SLC4A3: variants seen among roughly 807,000 people sequenced by gnomAD.
SLC4A3 encodes anion exchange protein 3.
SLC4A3 carries 47 observed loss-of-function variants against 114.2 expected under a neutral mutation model. The observed-to-expected ratio is 0.41, with a 90% CI of 0.33 to 0.52. The LOEUF is 0.52. Ranked by LOEUF, SLC4A3 falls within the 20% of genes least tolerant of loss-of-function variation. SLC4A3 has a pLI of 0.21. For missense variants in SLC4A3, 1,312 were observed against 1,668.3 expected, an observed-to-expected ratio of 0.79 and a Z score of 3.72; for synonymous variants, 693 against 710.3, an observed-to-expected ratio of 0.98 and a Z score of 0.39.
rs780617270 is a variant in SLC4A3 at position 219,630,160 on chromosome 2, A to G, written c.619A>G (p.Ser207Gly). The G allele has an allele frequency of 2.5e-6, 4 of 1,607,876 alleles. No individual in the cohort carries two copies. Among genetic ancestry groups the G allele is most frequent in the Non-Finnish European group, 8.5e-7 (1 of 1,175,264 alleles). ...KSPQHSSSSP[S>G]PRARASRLAG... is the part of the protein sequence containing the mutation. ...GCTGTGTTGCCTCCCCAGCTCCCCCAGCCCCCGGGCCCGGGCCTCCCGACT... is the reference window on the plus strand; with the variant it reads ...GCTGTGTTGCCTCCCCAGCTCCCCCGGCCCCCGGGCCCGGGCCTCCCGACT... The change falls in exon 6 of 23, where the codon AGC becomes GGC. Residue 207 changes from serine (S) to glycine (G), a missense_variant. Ser to Gly is a moderately conservative substitution (Grantham distance 56). Coordinates refer to ENST00000358055, the MANE Select transcript of SLC4A3 (RefSeq NM_005070.4). The surrounding 1 kb of genome is among the most constrained non-coding windows in gnomAD (Gnocchi z 6.9).
In SLC4A3 at chr2:219,632,306, G is replaced by A; in HGVS notation, c.1005G>A (p.Glu335=). 6.2e-7 allele frequency: 1 copy of A among 1,614,144 alleles called. No individual in the cohort carries two copies. Among genetic ancestry groups the A allele is most frequent in the Non-Finnish European group, 8.5e-7 (1 of 1,180,030 alleles). The change falls in exon 8 of 23, where the codon GAG becomes GAA. Residue 335 remains glutamate, a synonymous_variant. Transcript: ENST00000358055. ...LNELMLDRSQ[E]PHWRETARWI... ...AGCTGATGCTGGACCGCAGCCAGGA[G>A]CCCCACTGGCGGGAGACGGCCCGCT...
intron 20 of SLC4A3, among the ~76,000 whole-genome samples, chr2:219,640,130 C>T (rs748201671): frequency 3.9e-5 from 6 of 152,102 alleles, no homozygotes; most frequent in Non-Finnish European, 8.8e-5. Context: ...GGGGTTTCAC[C>T]GTGTTAGCCA....
Position 219,632,129 on chromosome 2 carries a change from A to G in SLC4A3, c.960+13A>G. ...GAGGCCTCATGAGGTCAGGATGCTG[A>G]CTGGGTGGGCCTGTGGCTTCCTCAT... On this transcript the variant is annotated intron_variant, in intron 7 of 22. Transcript: ENST00000358055. 6.2e-7 allele frequency: 1 copy of G among 1,612,224 alleles called. No individual in the cohort carries two copies. The highest frequency in any genetic ancestry group is 8.5e-7 in the Non-Finnish European group (1 of 1,179,426).
chr2:219,633,816 G>T (rs1574650847), intron 10 of SLC4A3, 64 bp from the exon 11 acceptor site: 1 of 1,548,052 alleles, frequency 6.5e-7, no homozygotes, highest in Non-Finnish European at 8.7e-7. Flanking sequence ...TGGAGCCAGG[G>T]CTGGGAGGGC....
chr2:219,631,192 G>A lies in SLC4A3; in HGVS notation c.812-776G>A, dbSNP rs902354231. The A allele has an allele frequency of 8.3e-6, 10 of 1,201,536 alleles. No homozygotes were observed. The highest frequency in any genetic ancestry group is 3.2e-5 in the African/African-American group (2 of 62,570). The allele number at this position is 1,201,536 out of a possible 1,614,324, so 74.4% of individuals were successfully genotyped here. On this transcript the variant is annotated intron_variant, in intron 6 of 22. Transcript: ENST00000358055. The surrounding 1 kb of genome is among the most constrained non-coding windows in gnomAD (Gnocchi z 6.3). ...CAGGCTCCCACCTTGTAGGAGAGCC[G>A]AGGGGTCTGGTAGGGAGCGGAGGCC...
Position 219,637,877 on chromosome 2 carries a change from G to C in SLC4A3, c.2766+66G>C. 1 of 1,310,058 alleles carries C rather than the reference G, an allele frequency of 7.6e-7. No homozygotes were observed. The highest frequency in any genetic ancestry group is 1.1e-6 in the Non-Finnish European group (1 of 908,538). 81.2% of individuals were successfully genotyped at this position (1,310,058 alleles called of 1,614,324 possible). On this transcript the variant is annotated intron_variant, in intron 17 of 22. Transcript: ENST00000358055. The surrounding 1 kb of genome is among the most constrained non-coding windows in gnomAD (Gnocchi z 4.6). ...ATTCCTGCTGTAGGAGCTCCCCAGA[G>C]AGGCTGCACCCCTTCCCCGGTCAGC... is the stretch of plus-strand genomic sequence containing the variant.
rs767502646 is a variant in SLC4A3 at position 219,635,809 on chromosome 2, G to A, written c.2109G>A (p.Ala703=). Residue 703 remains alanine (A), a synonymous_variant, in exon 14 of 23, where the codon GCG becomes GCA. Coordinates refer to ENST00000358055, the MANE Select transcript of SLC4A3 (RefSeq NM_005070.4). The part of the protein sequence containing the change: ...YPHYPSDLRD[A]LHSQCVAAVL... ...ACTACCCCAGTGACCTGCGAGATGC[G>A]CTGCACTCCCAGTGTGTGGCCGCTG... is the stretch of plus-strand genomic sequence containing the variant. 13 of 1,593,002 alleles carry A rather than the reference G, an allele frequency of 8.2e-6. No individual in the cohort carries two copies. The Admixed American group carries it at 2.2e-4, about 26-fold the overall frequency.
rs369902144 is a variant in SLC4A3, at chr2:219,641,629, C to T, written c.3622-22C>T. On this transcript the variant is annotated intron_variant, in intron 22 of 22. Transcript: ENST00000358055. The surrounding 1 kb of genome is among the most constrained non-coding windows in gnomAD (Gnocchi z 4.0). ...GACGAGCATGCTTCCCTGCCTTCCC[C>T]AACCTTCTGTTCCCTCTGCAGCTGG... The T allele has an allele frequency of 1.2e-4, 186 of 1,607,662 alleles. 3 individuals carry two copies. In the Middle Eastern group the frequency reaches 9.6e-3, roughly 83 times the overall value.
At chr2:219,635,201 C>T (rs569081098) in intron 12 of SLC4A3, 70 bp from the exon 13 acceptor site, 55 of 1,263,090 alleles carry the variant, frequency 4.4e-5, no homozygotes, top group East Asian at 7.0e-5. Flanking sequence ...ACCCAACACC[C>T]GCCTCAAGTC....
In SLC4A3 at chr2:219,641,545, G is replaced by A. The variant is rs149599808; in HGVS notation, c.3622-106G>A. 1,196 of 893,402 alleles carry A rather than the reference G, an allele frequency of 1.3e-3. 10 individuals carry two copies. In the African/African-American group the frequency reaches 0.017, roughly 13 times the overall value. 55.3% of individuals were successfully genotyped at this position (893,402 alleles called of 1,614,324 possible). A position where few individuals can be genotyped will look rare whatever the true frequency, so the allele number is the denominator to read the frequency against. ...GTCATGGTACTTGCAGAGAGGCCCA[G>A]GAAAGGTCAGGGAGCAGGGAGGGCT... On this transcript the variant is annotated intron_variant, in intron 22 of 22. Transcript: ENST00000358055. The surrounding 1 kb of genome is among the most constrained non-coding windows in gnomAD (Gnocchi z 4.0).
rs1574647320 is a variant in SLC4A3, at chr2:219,631,489, G to A, written c.812-479G>A. The stretch of plus-strand genomic sequence containing the variant: ...CGGGGCTGCTGGCCTTTCCCCGACT[G>A]CTGCTGGCCTGGGTGGGGCAGACAG... On this transcript the variant is annotated intron_variant, in intron 6 of 22. Coordinates refer to ENST00000358055, the MANE Select transcript of SLC4A3 (RefSeq NM_005070.4). This position sits in a 1 kb window ranked among gnomAD's most constrained non-coding sequence, Gnocchi z 6.3. The A allele has an allele frequency of 7.7e-7, 1 of 1,296,852 alleles. No homozygotes were observed. The allele number at this position is 1,296,852 out of a possible 1,614,324, so 80.3% of individuals were successfully genotyped here.
chr2:219,628,254 T>A lies in SLC4A3; in HGVS notation c.52-151T>A. ...GCTCTGGGAGCCCAGAGAGGGTGGTTTCTGGGATGCTGACACAGGCCTGGG... is the reference window on the plus strand; with the variant it reads ...GCTCTGGGAGCCCAGAGAGGGTGGTATCTGGGATGCTGACACAGGCCTGGG... On this transcript the variant is annotated intron_variant, in intron 2 of 22. Transcript: ENST00000358055. The surrounding 1 kb of genome is among the most constrained non-coding windows in gnomAD (Gnocchi z 4.8). The A allele has an allele frequency of 2.2e-6, 2 of 908,630 alleles. No individual in the cohort carries two copies. The highest frequency in any genetic ancestry group is 3.3e-6 in the Non-Finnish European group (2 of 610,754). 56.3% of individuals were successfully genotyped at this position (908,630 alleles called of 1,614,324 possible). A position where few individuals can be genotyped will look rare whatever the true frequency, so the allele number is the denominator to read the frequency against.
chr2:219,637,886 C>G lies in SLC4A3; in HGVS notation c.2766+75C>G. On this transcript the variant is annotated intron_variant, in intron 17 of 22. Coordinates refer to ENST00000358055, the MANE Select transcript of SLC4A3 (RefSeq NM_005070.4). The surrounding 1 kb of genome is among the most constrained non-coding windows in gnomAD (Gnocchi z 4.6). ...GTAGGAGCTCCCCAGAGAGGCTGCA[C>G]CCCTTCCCCGGTCAGCCCATGGACC... 8.1e-7 allele frequency: 1 copy of G among 1,241,988 alleles called. No individual in the cohort carries two copies. The highest frequency in any genetic ancestry group is 1.2e-6 in the Non-Finnish European group (1 of 851,488). The allele number at this position is 1,241,988 out of a possible 1,614,324, so 76.9% of individuals were successfully genotyped here.
intron 4 of SLC4A3, 55 bp downstream of exon 4, chr2:219,629,476 G>A: frequency 6.2e-7 from 1 of 1,600,730 alleles, no homozygotes; most frequent in South Asian, 1.1e-5. Context: ...GGGGTACAGA[G>A]AGGAGGAGAG....
chr2:219,634,006 G>A (rs1193012549), intron 11 of SLC4A3, 27 bp downstream of exon 11: 1 of 1,527,558 alleles, frequency 6.5e-7, no homozygotes, highest in South Asian at 1.3e-5. Context: ...GCCGGGGGCA[G>A]GGTCTGCAGT....
chr2:219,640,303 C>G (rs185975824), intron 20 of SLC4A3, 127 bp from the exon 21 acceptor site: 1 of 1,007,574 alleles, frequency 9.9e-7, no homozygotes. Context: ...ATGTCGCCTC[C>G]CCCCAGGCCT....
chr2:219,628,646 TCCGGCTTGGTCACCC>T lies in SLC4A3; in HGVS notation c.217+77_217+91del. ...CATCGCCACCATCACCGCGCTCACC[TCCGGCTTGGTCACCC>T]AGTGCCATCCTGTGCCGGACACTGT... On this transcript the variant is annotated intron_variant, in intron 3 of 22. Transcript: ENST00000358055. The surrounding 1 kb of genome is among the most constrained non-coding windows in gnomAD (Gnocchi z 4.8). 3 of 1,459,706 alleles carry T rather than the reference TCCGGCTTGGTCACCC, an allele frequency of 2.1e-6. No homozygotes were observed. In the South Asian group the frequency reaches 3.6e-5, roughly 17 times the overall value. 90.4% of individuals were successfully genotyped at this position (1,459,706 alleles called of 1,614,324 possible).
In SLC4A3 at chr2:219,638,178, C is replaced by T. The variant is rs34173245; in HGVS notation, c.2781C>T (p.Ile927=). ...CCCCTCTCAAGGCTCGTCGCATCAT[C>T]GGGGACTTTGGCATCCCCATCTCCA... ...RFLGGKARRI[I]GDFGIPISIL... is the part of the protein sequence containing the mutation. The change falls in exon 18 of 23, where the codon ATC becomes ATT. Residue 927 remains isoleucine, a synonymous_variant. Transcript: ENST00000358055. This position sits in a 1 kb window ranked among gnomAD's most constrained non-coding sequence, Gnocchi z 7.5. 1.8e-5 allele frequency: 29 copies of T among 1,611,900 alleles called. No homozygotes were observed. The highest frequency in any genetic ancestry group is 5.5e-5 in the South Asian group (5 of 90,502).
In SLC4A3 at chr2:219,635,600, C is replaced by A. The variant is rs143511057; in HGVS notation, c.1973-73C>A. The A allele has an allele frequency of 2.6e-4, 391 of 1,479,606 alleles. 2 individuals are homozygous for A. In the African/African-American group the frequency reaches 4.6e-3, roughly 18 times the overall value. 91.7% of individuals were successfully genotyped at this position (1,479,606 alleles called of 1,614,324 possible). ...CCTGACTCCTGGAGTCCTTTGCATC[C>A]CTGATCCCAACAGCCCGGGGCCTCC... is the stretch of plus-strand genomic sequence containing the variant. On this transcript the variant is annotated intron_variant, in intron 13 of 22. Coordinates refer to ENST00000358055, the MANE Select transcript of SLC4A3 (RefSeq NM_005070.4).
Sources: allele counts gnomAD v4.1 joint callset (sites outside exome capture counted in the v4.1 genomes callset), GRCh38; gene constraint gnomAD v4.1.1; non-coding constraint Gnocchi (gnomAD v3.1); transcripts MANE v1.5; gene names NCBI Gene and HGNC (gene_info 2026-07-23, HGNC 2026-07-21).